The following PDE11A variants were observed in gnomAD, a reference collection of about 807,000 sequenced individuals.
PDE11A encodes the protein dual 3',5'-cyclic-AMP and -GMP phosphodiesterase 11A.
PDE11A carries 100 observed loss-of-function variants against 100.5 expected under a neutral mutation model. The observed-to-expected ratio is 1.00, with a 90% CI of 0.85 to 1.18. The LOEUF (loss-of-function observed/expected upper bound fraction) is 1.18, where lower values mean the gene tolerates loss of function less well. Among genes scored for constraint, PDE11A ranks in the 50% most tolerant of loss-of-function variants. The probability of loss-of-function intolerance (pLI) is 0.00; values close to 1 mark genes in which losing one functional copy is unlikely to be tolerated. For synonymous variants in PDE11A, 381 were observed against 420.8 expected (o/e 0.91, Z 1.16); for missense variants, 1,141 against 1,152.6 (o/e 0.99, Z 0.15).
chr2:177,688,281 T>C (rs2080987045), intron 15 of PDE11A: 1 of 152,256 alleles, frequency 6.6e-6, no homozygotes, highest in Admixed American at 6.5e-5. Flanking sequence ...GCCAGGTTGG[T>C]GGTTCACAGC....
intron 10 of PDE11A, among the ~76,000 whole-genome samples, chr2:177,737,406 G>A (rs79740438): frequency 0.53 from 67,856 of 127,822 alleles, 20,157 homozygotes; most frequent in East Asian, 0.84. Context: ...GTGAAACCCC[G>A]TCTCTACTAA....
chr2:177,965,856 C>T (rs1226704009), intron 2 of PDE11A, among the ~76,000 whole-genome samples: 1 of 152,122 alleles, frequency 6.6e-6, no homozygotes, highest in Non-Finnish European at 1.5e-5. Flanking sequence ...ATACTGGTTC[C>T]ATATGAATTT....
At chr2:177,744,687 G>A (rs2081923093) in intron 10 of PDE11A, among the ~76,000 whole-genome samples, 1 of 152,176 alleles carries the variant, frequency 6.6e-6, no homozygotes, top group Non-Finnish European at 1.5e-5. Flanking sequence ...ACATAAGCAT[G>A]CATTGCCATG....
intron 9 of PDE11A, among the ~76,000 whole-genome samples, chr2:177,814,823 G>C (rs1332093827): frequency 6.6e-6 from 1 of 152,170 alleles, no homozygotes; most frequent in African/African-American, 2.4e-5. Flanking sequence ...CTAGGTAATG[G>C]TAACTGTGGC....
intron 1 of PDE11A, among the ~76,000 whole-genome samples, chr2:178,067,739 C>A (rs985474604): frequency 2.6e-5 from 4 of 152,026 alleles, no homozygotes; most frequent in Admixed American, 2.6e-4. Context: ...TACTGTACAC[C>A]CTTGGAGAGC....
At chr2:177,855,903 AAC>A (rs57202805) in intron 5 of PDE11A, among the ~76,000 whole-genome samples, 16,194 of 139,272 alleles carry the variant, frequency 0.12, 961 homozygotes, top group African/African-American at 0.15. Context: ...GAACGTATGC[AAC>A]ACACACACAC....
At chr2:177,857,084 C>T (rs955420343) in intron 5 of PDE11A, among the ~76,000 whole-genome samples, 2 of 151,806 alleles carry the variant, frequency 1.3e-5, no homozygotes, top group Non-Finnish European at 2.9e-5. Flanking sequence ...ATAAAAGTAA[C>T]CCTCAATAAG....
In PDE11A at chr2:178,072,026, CG is replaced by C; in HGVS notation, c.411del (p.Tyr137Ter). Reference protein sequence around the residue: ...RSKAIHVNRTYDEQVTSRAQE... With the variant: ...RSKAIHVNRTXDEQVTSRAQE... ...TGAGCCCGGGAGGTCACCTGTTCATCGTAGGTCCTGTTCACGTGGATGGCCT... is the reference window on the plus strand; with the variant it reads ...TGAGCCCGGGAGGTCACCTGTTCATCTAGGTCCTGTTCACGTGGATGGCCT... On this transcript the variant is annotated frameshift_variant, in exon 1 of 20. Coordinates refer to ENST00000286063, the MANE Select transcript of PDE11A (RefSeq NM_016953.4). LOFTEE classifies it high-confidence loss of function. The C allele has an allele frequency of 6.2e-7, 1 of 1,613,944 alleles. No homozygotes were observed. The highest frequency in any genetic ancestry group is 8.5e-7 in the Non-Finnish European group (1 of 1,179,846).
intron 2 of PDE11A, among the ~76,000 whole-genome samples, chr2:178,097,642 G>C (rs1322554467): frequency 6.6e-6 from 1 of 152,200 alleles, no homozygotes; most frequent in Non-Finnish European, 1.5e-5. Context: ...AAAGAAGCTA[G>C]TAGAAAATGA....
intron 4 of PDE11A, among the ~76,000 whole-genome samples, chr2:177,889,612 A>ATT (rs1192008002): frequency 3.5e-5 from 5 of 144,068 alleles, no homozygotes; most frequent in African/African-American, 1.3e-4. Context: ...TATCCATTTT[A>ATT]TTTTCAATTT....
chr2:177,637,910 CAT>C (rs2080067568), intron 19 of PDE11A, among the ~76,000 whole-genome samples: 1 of 33,016 alleles, frequency 3.0e-5, no homozygotes, highest in East Asian at 1.7e-3. Flanking sequence ...TACATATATA[CAT>C]ATATACACAT....
chr2:178,072,735 T>C lies in PDE11A; in HGVS notation c.-298A>G. ...CGGAAACCCGAGCTATCGCTGCTCC[T>C]GTTCTGGCTGCCGCCGCTGCTGCTG... On this transcript the variant is annotated 5_prime_UTR_variant, in exon 1 of 20. Transcript: ENST00000286063. The C allele has an allele frequency of 7.4e-7, 1 of 1,342,550 alleles. No homozygotes were observed. Among genetic ancestry groups the C allele is most frequent in the Non-Finnish European group, 9.6e-7 (1 of 1,042,482 alleles). The allele number at this position is 1,342,550 out of a possible 1,614,324, so 83.2% of individuals were successfully genotyped here. A position where few individuals can be genotyped will look rare whatever the true frequency, so the allele number is the denominator to read the frequency against.
intron 2 of PDE11A, among the ~76,000 whole-genome samples, chr2:177,914,367 A>G (rs1231238764): frequency 2.0e-5 from 3 of 152,166 alleles, no homozygotes; most frequent in African/African-American, 7.2e-5. Context: ...TTTGTCTAAG[A>G]TGAATAATAT....
At chr2:177,898,275 T>C in intron 3 of PDE11A, 77 bp from the exon 4 acceptor site, 5 of 908,524 alleles carry the variant, frequency 5.5e-6, no homozygotes, top group Non-Finnish European at 8.8e-6. Flanking sequence ...AAATTTAATC[T>C]TTGCTTCAAT....
chr2:177,761,441 A>C (rs1379911917), intron 10 of PDE11A, among the ~76,000 whole-genome samples: 1 of 152,196 alleles, frequency 6.6e-6, no homozygotes, highest in African/African-American at 2.4e-5. Context: ...ACAAGGTAGA[A>C]ATTTCTCCAG....
chr2:177,675,299 C>T (rs959068296), intron 17 of PDE11A, among the ~76,000 whole-genome samples, 156 bp downstream of exon 17: 11 of 148,692 alleles, frequency 7.4e-5, no homozygotes, highest in South Asian at 2.1e-4. Flanking sequence ...TAAACTGTGT[C>T]GTGCCTAAGC....
chr2:177,906,128 G>A (rs2084782044), intron 2 of PDE11A, among the ~76,000 whole-genome samples: 1 of 152,150 alleles, frequency 6.6e-6, no homozygotes, highest in South Asian at 2.1e-4. Flanking sequence ...AAAAAAGCAT[G>A]TTTATATCAT....
intron 2 of PDE11A, among the ~76,000 whole-genome samples, chr2:177,939,250 T>C (rs2085314803): frequency 1.3e-5 from 2 of 151,810 alleles, no homozygotes; most frequent in African/African-American, 4.8e-5. Context: ...GCAGACATTA[T>C]ATATCTCCTG....
intron 1 of PDE11A, among the ~76,000 whole-genome samples, chr2:178,049,474 A>T (rs2086794025): frequency 6.6e-6 from 1 of 152,206 alleles, no homozygotes; most frequent in African/African-American, 2.4e-5. Flanking sequence ...TACCGGGTTC[A>T]TCTCACTGGG....
Sources: allele counts gnomAD v4.1 joint callset (sites outside exome capture counted in the v4.1 genomes callset), GRCh38; gene constraint gnomAD v4.1.1; transcripts MANE v1.5; gene names NCBI Gene and HGNC (gene_info 2026-07-23, HGNC 2026-07-21).